The following NRXN1 variants were observed in gnomAD, a reference collection of about 807,000 sequenced individuals.
The protein encoded by NRXN1 is neurexin-1.
A neutral mutation model predicts 150.9 loss-of-function variants in NRXN1; 39 were observed. The ratio of observed to expected loss-of-function variants is 0.26; its 90% CI spans 0.20 to 0.34. NRXN1 has a LOEUF of 0.34. Among genes scored for constraint, NRXN1 ranks in the 10% least tolerant of loss-of-function variants. The pLI is 1.00. For missense variants in NRXN1, 1,815 were observed against 1,949.9 expected, an observed-to-expected ratio of 0.93 and a Z score of 1.30; for synonymous variants, 924 against 757.0, an observed-to-expected ratio of 1.22 and a Z score of -3.62.
intron 12 of NRXN1, among the ~76,000 whole-genome samples, chr2:50,527,543 C>G (rs1354008911): frequency 1.3e-5 from 2 of 152,092 alleles, no homozygotes; most frequent in African/African-American, 2.4e-5. Context: ...TCTGATTGAA[C>G]AAACTCATTT....
chr2:50,195,072 G>T (rs1211294466), intron 18 of NRXN1, among the ~76,000 whole-genome samples: 2 of 152,140 alleles, frequency 1.3e-5, no homozygotes, highest in Non-Finnish European at 2.9e-5. Context: ...GATAATCTGT[G>T]GTAGTCTTTT....
intron 21 of NRXN1, among the ~76,000 whole-genome samples, chr2:50,037,140 A>G (rs1435416530): frequency 6.6e-6 from 1 of 152,212 alleles, no homozygotes; most frequent in African/African-American, 2.4e-5. Context: ...ATTTTGGTTA[A>G]CTTTAAATTA....
chr2:50,344,785 C>A (rs901521994), intron 17 of NRXN1, among the ~76,000 whole-genome samples: 1 of 152,180 alleles, frequency 6.6e-6, no homozygotes, highest in African/African-American at 2.4e-5. Context: ...AGCCTTATCC[C>A]TCTGGAGAGA....
intron 18 of NRXN1, among the ~76,000 whole-genome samples, chr2:50,159,500 A>G: frequency 6.6e-6 from 1 of 152,186 alleles, no homozygotes; most frequent in East Asian, 1.9e-4. Flanking sequence ...TGCAATCAAT[A>G]CAAATTGATT....
chr2:50,855,435 C>T (rs1334168984), intron 5 of NRXN1, among the ~76,000 whole-genome samples: 1 of 151,964 alleles, frequency 6.6e-6, no homozygotes, highest in Non-Finnish European at 1.5e-5. Context: ...TCAATTACAA[C>T]TAAAATTCAA....
intron 19 of NRXN1, among the ~76,000 whole-genome samples, chr2:50,068,434 T>C (rs368776449): frequency 3.0e-4 from 45 of 152,344 alleles, no homozygotes; most frequent in African/African-American, 1.1e-3. Flanking sequence ...CCACCAATTA[T>C]TTCTTAAAAG....
Position 50,792,774 on chromosome 2 carries a change from A to G in NRXN1, c.832+129095T>C, listed in dbSNP as rs528689016. Among the ~76,000 whole-genome samples, 4 of 152,236 alleles carry G rather than the reference A, an allele frequency of 2.6e-5. No homozygotes were observed. In the South Asian group the frequency reaches 8.3e-4, roughly 32 times the overall value. ...AGGTATCCCATTTAATGAACATGTT[A>G]GATACTTTAGAGAATTTATTTAAAT... On this transcript the variant is annotated intron_variant, in intron 5 of 22. Transcript: ENST00000401669.
intron 18 of NRXN1, among the ~76,000 whole-genome samples, chr2:50,227,954 T>C (rs958987194): frequency 2.6e-5 from 4 of 152,078 alleles, no homozygotes; most frequent in African/African-American, 9.7e-5. Context: ...TTAGAATAAC[T>C]TGAGTATGTG....
At chr2:50,221,387 A>C (rs934960090) in intron 18 of NRXN1, among the ~76,000 whole-genome samples, 2 of 152,034 alleles carry the variant, frequency 1.3e-5, no homozygotes, top group Non-Finnish European at 2.9e-5. Flanking sequence ...TAGTGAATAT[A>C]ATATAGACAG....
intron 21 of NRXN1, among the ~76,000 whole-genome samples, chr2:49,956,839 A>C (rs1174220243): frequency 6.6e-6 from 1 of 152,126 alleles, no homozygotes; most frequent in Admixed American, 6.6e-5. Context: ...TTAATTTGAG[A>C]TATCATGAGC....
At chr2:50,218,490 C>CTTTTTTTTTTTTTTTTTTT (rs34919769) in intron 18 of NRXN1, among the ~76,000 whole-genome samples, 2 of 136,758 alleles carry the variant, frequency 1.5e-5, no homozygotes, top group Non-Finnish European at 1.6e-5. Flanking sequence ...TTAGCACCTT[C>CTTTTTTTTTTTTTTTTTTT]TTTTTTTTTT....
At chr2:50,786,527 C>G (rs927062377) in intron 5 of NRXN1, among the ~76,000 whole-genome samples, 8 of 152,058 alleles carry the variant, frequency 5.3e-5, no homozygotes, top group Admixed American at 5.3e-4. Flanking sequence ...CTTTCTTTAT[C>G]TCTAAGCCAT....
intron 19 of NRXN1, among the ~76,000 whole-genome samples, chr2:50,076,334 G>A (rs1234562346): frequency 6.6e-6 from 1 of 151,762 alleles, no homozygotes; most frequent in Non-Finnish European, 1.5e-5. Flanking sequence ...AGTGACTATT[G>A]CAGTTGCAGG....
chr2:49,962,778 C>G (rs553193317), intron 21 of NRXN1, among the ~76,000 whole-genome samples: 9 of 151,986 alleles, frequency 5.9e-5, no homozygotes, highest in Non-Finnish European at 1.3e-4. Context: ...CACGGTGAAA[C>G]CTCGTCTTTA....
intron 18 of NRXN1, among the ~76,000 whole-genome samples, chr2:50,196,820 T>C (rs887250586): frequency 1.3e-5 from 2 of 152,066 alleles, no homozygotes; most frequent in African/African-American, 4.8e-5. Flanking sequence ...GAAAACCAAA[T>C]ACTGCATGTT....
intron 5 of NRXN1, among the ~76,000 whole-genome samples, chr2:50,637,105 G>A (rs888738351): frequency 1.1e-4 from 17 of 152,112 alleles, no homozygotes; most frequent in Non-Finnish European, 1.9e-4. Flanking sequence ...AGCAGTAAAT[G>A]TAGCTGAGTC....
At chr2:50,310,599 CAT>C (rs2075093525) in intron 17 of NRXN1, among the ~76,000 whole-genome samples, 2 of 152,060 alleles carry the variant, frequency 1.3e-5, no homozygotes, top group Non-Finnish European at 2.9e-5. Context: ...TCAATTTAAA[CAT>C]TATTATTACT....
chr2:50,358,521 G>T (rs2078977459), intron 17 of NRXN1, among the ~76,000 whole-genome samples: 1 of 152,220 alleles, frequency 6.6e-6, no homozygotes, highest in African/African-American at 2.4e-5. Flanking sequence ...TAGCCAGACT[G>T]CCTCTCTAGA....
At chr2:50,329,765 C>A (rs1411602221) in intron 17 of NRXN1, among the ~76,000 whole-genome samples, 2 of 147,620 alleles carry the variant, frequency 1.4e-5, no homozygotes, top group Non-Finnish European at 3.0e-5. Context: ...CCTCCACCTC[C>A]CAGGTTCGAA....
Sources: gnomAD v4.1 joint callset for allele counts (sites outside exome capture counted in the v4.1 genomes callset) on GRCh38, gnomAD v4.1.1 for gene constraint, MANE v1.5 for transcripts, NCBI Gene and HGNC (gene_info 2026-07-23, HGNC 2026-07-21) for gene names.